Variants in FKBP5 observed in about 807,000 individuals in gnomAD.
FKBP5 encodes peptidyl-prolyl cis-trans isomerase FKBP5.
FKBP5 carries 23 observed loss-of-function variants against 50.5 expected under a neutral mutation model. The ratio of observed to expected loss-of-function variants is 0.46; its 90% CI spans 0.33 to 0.65. FKBP5 has a LOEUF of 0.65. Among genes scored for constraint, FKBP5 ranks in the 30% least tolerant of loss-of-function variants. The probability of loss-of-function intolerance (pLI) is 0.02; values close to 1 mark genes in which losing one functional copy is unlikely to be tolerated. For synonymous variants in FKBP5, 176 were observed against 190.6 expected (o/e 0.92, Z 0.63); for missense variants, 411 against 553.1 (o/e 0.74, Z 2.58).
chr6:35,629,723 G>A (rs994436752), intron 3 of FKBP5, among the ~76,000 whole-genome samples: 2 of 152,126 alleles, frequency 1.3e-5, no homozygotes, highest in Non-Finnish European at 2.9e-5. Context: ...TAAATGGAGT[G>A]AGAAATTTGC....
At chr6:35,581,587 AAAAACAAAAC>A (rs59501604) in intron 8 of FKBP5, 74,706 of 975,986 alleles carry the variant, frequency 0.077, 3,108 homozygotes, top group African/African-American at 0.15. Flanking sequence ...GAGACTCCTC[AAAAACAAAAC>A]AAAACAAAAC....
chr6:35,670,608 T>G (rs1476730687), intron 1 of FKBP5, among the ~76,000 whole-genome samples: 1 of 151,774 alleles, frequency 6.6e-6, no homozygotes, highest in Admixed American at 6.6e-5. Context: ...GGTGGGCACC[T>G]GTAATCCCAG....
At chr6:35,589,672 T>C (rs1468674203) in intron 7 of FKBP5, among the ~76,000 whole-genome samples, 1 of 152,164 alleles carries the variant, frequency 6.6e-6, no homozygotes, top group Non-Finnish European at 1.5e-5. Flanking sequence ...AGTAAAGCCA[T>C]AGGTCTAAAT....
intron 5 of FKBP5, 124 bp from the exon 6 acceptor site, chr6:35,597,528 GAC>G (rs1581799016): frequency 6.2e-6 from 7 of 1,134,822 alleles, no homozygotes; most frequent in East Asian, 2.6e-5. Context: ...TTCATCAAGA[GAC>G]ACACACAGTG....
At chr6:35,600,908 C>G (rs371704087) in intron 5 of FKBP5, among the ~76,000 whole-genome samples, 2 of 152,046 alleles carry the variant, frequency 1.3e-5, no homozygotes, top group Non-Finnish European at 2.9e-5. Context: ...GATGTGATAA[C>G]CCATCATTAG....
At chr6:35,580,353 GCT>G in intron 8 of FKBP5, 132 bp from the exon 9 acceptor site, 1 of 738,458 alleles carries the variant, frequency 1.4e-6, no homozygotes, top group Admixed American at 2.4e-5. Flanking sequence ...TCTGGAGATG[GCT>G]CTCCAGGTAC....
chr6:35,706,774 T>C (rs779508473), intron 2 of FKBP5, among the ~76,000 whole-genome samples: 1 of 152,264 alleles, frequency 6.6e-6, no homozygotes, highest in Non-Finnish European at 1.5e-5. Context: ...AACGATGTTC[T>C]CTGCGGTATT....
At chr6:35,596,541 C>T (rs910797493) in intron 6 of FKBP5, among the ~76,000 whole-genome samples, 1 of 152,058 alleles carries the variant, frequency 6.6e-6, no homozygotes, top group Non-Finnish European at 1.5e-5. Context: ...AGGGAGGATA[C>T]ACTAGATAAG....
intron 2 of FKBP5, among the ~76,000 whole-genome samples, chr6:35,715,711 C>T (rs953859803): frequency 1.2e-4 from 19 of 152,170 alleles, no homozygotes; most frequent in African/African-American, 3.4e-4. Context: ...TGTGCATGGC[C>T]GGCTGGCTGT....
chr6:35,610,100 G>A (rs1763443866), intron 5 of FKBP5, among the ~76,000 whole-genome samples: 1 of 152,148 alleles, frequency 6.6e-6, no homozygotes, highest in Non-Finnish European at 1.5e-5. Context: ...TCTGCAAAAG[G>A]ATGGGCTGAT....
chr6:35,593,676 T>G (rs965116484), intron 6 of FKBP5, among the ~76,000 whole-genome samples: 2 of 152,134 alleles, frequency 1.3e-5, no homozygotes, highest in African/African-American at 4.8e-5. Flanking sequence ...TGCCTCAGCC[T>G]CCCGAGTAGC....
intron 8 of FKBP5, chr6:35,582,594 TG>T: frequency 1.1e-6 from 1 of 900,504 alleles, no homozygotes; most frequent in Non-Finnish European, 1.3e-6. Flanking sequence ...CACCTTGATC[TG>T]GGACTTACAG....
intron 1 of FKBP5, among the ~76,000 whole-genome samples, chr6:35,688,555 G>A (rs991020273): frequency 6.0e-5 from 9 of 151,084 alleles, no homozygotes; most frequent in Admixed American, 1.3e-4. Context: ...CGCCTCCCGC[G>A]GGGAGCACCG....
chr6:35,632,875 G>T (rs1005252068), intron 3 of FKBP5, among the ~76,000 whole-genome samples: 8 of 148,372 alleles, frequency 5.4e-5, no homozygotes, highest in Non-Finnish European at 7.4e-5. Context: ...GGCAACAAGA[G>T]TAAAACTCCG....
intron 1 of FKBP5, among the ~76,000 whole-genome samples, chr6:35,666,373 C>CAA (rs1474871527): frequency 6.1e-5 from 3 of 49,558 alleles, no homozygotes; most frequent in African/African-American, 2.3e-4. Context: ...AAAATACATG[C>CAA]AGAAACACTA....
intron 1 of FKBP5, among the ~76,000 whole-genome samples, chr6:35,653,593 T>A (rs998875447): frequency 7.9e-5 from 12 of 152,186 alleles, no homozygotes; most frequent in African/African-American, 2.9e-4. Flanking sequence ...TGATTTGAAT[T>A]CATTCATGTT....
intron 6 of FKBP5, among the ~76,000 whole-genome samples, chr6:35,594,417 C>G (rs563747032): frequency 6.6e-6 from 1 of 152,190 alleles, no homozygotes; most frequent in East Asian, 1.9e-4. Context: ...CAGAGAAGGT[C>G]TGCCTTGGAA....
At chr6:35,698,647 A>G (rs1766126287) in intron 2 of FKBP5, among the ~76,000 whole-genome samples, 1 of 152,172 alleles carries the variant, frequency 6.6e-6, no homozygotes, top group Non-Finnish European at 1.5e-5. Flanking sequence ...CATCTCAAAA[A>G]ATAATAAATA....
At chr6:35,585,548 G>A (rs1032518943) in intron 8 of FKBP5, 1 of 985,034 alleles carries the variant, frequency 1.0e-6, no homozygotes, top group African/African-American at 1.7e-5. Flanking sequence ...GAGCAATAAA[G>A]CCCATTTTTC....
Sources: allele counts gnomAD v4.1 joint callset (sites outside exome capture counted in the v4.1 genomes callset), GRCh38; gene constraint gnomAD v4.1.1; transcripts MANE v1.5; gene names NCBI Gene and HGNC (gene_info 2026-07-23, HGNC 2026-07-21).